CSMD1: variants seen among roughly 807,000 people sequenced by gnomAD.
The protein encoded by CSMD1 is CUB and sushi domain-containing protein 1.
CSMD1 carries 213 observed loss-of-function variants against 417.5 expected under a neutral mutation model. That is an observed-to-expected ratio of 0.51 (90% CI 0.46 to 0.57). The LOEUF (loss-of-function observed/expected upper bound fraction) is 0.57, where lower values mean the gene tolerates loss of function less well. CSMD1 is among the 20% of genes least tolerant of loss of function. CSMD1 has a pLI of 0.00. For synonymous variants in CSMD1, 2,862 were observed against 1,736.8 expected (o/e 1.65, Z -16.11); for missense variants, 6,923 against 4,529.7 (o/e 1.53, Z -15.17).
intron 50 of CSMD1, among the ~76,000 whole-genome samples, chr8:3,049,584 G>A (rs909700857): frequency 2.0e-5 from 3 of 151,788 alleles, no homozygotes; most frequent in African/African-American, 7.3e-5. Flanking sequence ...TTGGATGCAG[G>A]AAGGCGTGAA....
intron 6 of CSMD1, among the ~76,000 whole-genome samples, chr8:3,734,018 A>G (rs903314446): frequency 1.3e-5 from 2 of 151,938 alleles, no homozygotes; most frequent in African/African-American, 4.8e-5. Flanking sequence ...GAGTGTGTAT[A>G]TGGCAGTGAA....
At chr8:4,945,391 A>G (rs1479228286) in intron 1 of CSMD1, among the ~76,000 whole-genome samples, 1 of 152,168 alleles carries the variant, frequency 6.6e-6, no homozygotes, top group Non-Finnish European at 1.5e-5. Context: ...AATAGTTCAG[A>G]TAGTAAATTT....
chr8:3,861,183 G>C (rs1563153714), intron 5 of CSMD1, among the ~76,000 whole-genome samples: 1 of 152,098 alleles, frequency 6.6e-6, no homozygotes. Context: ...CTCCTCACCT[G>C]TTTCTTGGCA....
chr8:3,162,253 T>C lies in CSMD1; in HGVS notation c.5750A>G (p.Glu1917Gly). The change falls in exon 38 of 70, where the codon GAA becomes GGA. Residue 1917 changes from glutamate to glycine, a missense_variant. Physicochemically the swap from Glu to Gly is moderately conservative, Grantham distance 98 (BLOSUM62 -2). Coordinates refer to ENST00000635120, the MANE Select transcript of CSMD1 (RefSeq NM_033225.6). ...GATGCTGTTGCTGGGGAGGGCTGGTTCTTGGCATGCAGCAAGACCTACAGC... is the reference window on the plus strand; with the variant it reads ...GATGCTGTTGCTGGGGAGGGCTGGTCCTTGGCATGCAGCAAGACCTACAGC... ...YKTVGLAACQ[E>G]PALPSNSIKI... 6.2e-7 allele frequency: 1 copy of C among 1,609,500 alleles called. No homozygotes were observed. Among genetic ancestry groups the C allele is most frequent in the South Asian group, 1.1e-5 (1 of 89,688 alleles).
intron 5 of CSMD1, among the ~76,000 whole-genome samples, chr8:3,901,983 C>G (rs1807785172): frequency 6.6e-6 from 1 of 152,062 alleles, no homozygotes; most frequent in South Asian, 2.1e-4. Flanking sequence ...ATGGCTGTTT[C>G]TCTTATTCTT....
At chr8:3,063,578 C>T (rs182263427) in intron 49 of CSMD1, among the ~76,000 whole-genome samples, 2 of 152,164 alleles carry the variant, frequency 1.3e-5, no homozygotes, top group East Asian at 1.9e-4. Context: ...TGAAAGCAAT[C>T]GAAGTGTCTG....
chr8:4,938,798 T>C (rs1398094909), intron 1 of CSMD1, among the ~76,000 whole-genome samples: 2 of 152,220 alleles, frequency 1.3e-5, no homozygotes, highest in South Asian at 2.1e-4. Context: ...TGCTTTTTTA[T>C]ATTTCATATT....
chr8:4,495,139 C>G (rs758927742), intron 2 of CSMD1, among the ~76,000 whole-genome samples: 1 of 152,134 alleles, frequency 6.6e-6, no homozygotes, highest in Non-Finnish European at 1.5e-5. Flanking sequence ...TTATTATAAA[C>G]AAGTGAGGTA....
chr8:3,291,117 T>A (rs1199008713), intron 25 of CSMD1, among the ~76,000 whole-genome samples: 1 of 152,230 alleles, frequency 6.6e-6, no homozygotes, highest in Non-Finnish European at 1.5e-5. Context: ...GTTTATATGC[T>A]AGATTACATT....
chr8:4,440,496 C>T (rs938403406), intron 2 of CSMD1, among the ~76,000 whole-genome samples: 4 of 152,130 alleles, frequency 2.6e-5, no homozygotes, highest in African/African-American at 9.7e-5. Context: ...GTTCTCATTT[C>T]CCTCTATAAT....
chr8:3,881,389 A>G (rs1165147923), intron 5 of CSMD1, among the ~76,000 whole-genome samples: 1 of 151,730 alleles, frequency 6.6e-6, no homozygotes, highest in Admixed American at 6.6e-5. Flanking sequence ...TAATCCCAGC[A>G]CTTTGGGAGG....
intron 5 of CSMD1, among the ~76,000 whole-genome samples, chr8:3,982,191 A>T (rs1385401227): frequency 8.7e-6 from 1 of 114,980 alleles, no homozygotes; most frequent in East Asian, 2.8e-4. Context: ...TAATAATAAT[A>T]TTAATAAAAA....
chr8:4,003,106 G>C (rs1002672434), intron 4 of CSMD1, among the ~76,000 whole-genome samples: 1 of 152,142 alleles, frequency 6.6e-6, no homozygotes, highest in East Asian at 1.9e-4. Context: ...TAAGAAACAA[G>C]ATACAGGCTT....
Position 2,955,682 on chromosome 8 carries a change from T to C in CSMD1, c.9901A>G (p.Thr3301Ala). 1.9e-6 allele frequency: 3 copies of C among 1,613,966 alleles called. No individual in the cohort carries two copies. Among genetic ancestry groups the C allele is most frequent in the Non-Finnish European group, 2.5e-6 (3 of 1,179,842 alleles). The change falls in exon 64 of 70, where the codon ACC (threonine) becomes GCC (alanine). Residue 3301 changes from threonine (T) to alanine (A), a missense_variant. Physicochemically the swap from Thr to Ala is moderately conservative, Grantham distance 58 (BLOSUM62 0). Coordinates refer to ENST00000635120, the MANE Select transcript of CSMD1 (RefSeq NM_033225.6). ...LPTFGYTLVYTCHPGFFLAGG... is the reference protein window; with the variant it reads ...LPTFGYTLVYACHPGFFLAGG... ...GCGAGGAAAAAGCCTGGATGGCAGG[T>C]GTACACTAAGGTGTAGCCGAAAGTA...
chr8:4,179,233 T>A (rs990578973), intron 3 of CSMD1, among the ~76,000 whole-genome samples: 1 of 151,916 alleles, frequency 6.6e-6, no homozygotes, highest in East Asian at 1.9e-4. Flanking sequence ...AACAGAGATA[T>A]AAATCAATGG....
chr8:3,814,462 T>A (rs935622623), intron 5 of CSMD1, among the ~76,000 whole-genome samples: 1 of 152,180 alleles, frequency 6.6e-6, no homozygotes, highest in African/African-American at 2.4e-5. Flanking sequence ...AAATAATGAT[T>A]TGCACACTCC....
chr8:4,981,964 C>T (rs553435274), intron 1 of CSMD1, among the ~76,000 whole-genome samples: 98 of 152,268 alleles, frequency 6.4e-4, no homozygotes, highest in African/African-American at 2.3e-3. Flanking sequence ...CCGTGTGTGG[C>T]CCCCAGGAAC....
intron 3 of CSMD1, among the ~76,000 whole-genome samples, chr8:4,065,880 T>C (rs1236934263): frequency 6.6e-6 from 1 of 152,148 alleles, no homozygotes. Flanking sequence ...CTGTCTTCCA[T>C]AAGAAAGACT....
intron 5 of CSMD1, among the ~76,000 whole-genome samples, chr8:3,938,831 T>C (rs1170599060): frequency 6.6e-6 from 1 of 152,192 alleles, no homozygotes; most frequent in African/African-American, 2.4e-5. Context: ...TAACATATCT[T>C]TATTTTAGAC....
Sources: gnomAD v4.1 joint callset for allele counts (sites outside exome capture counted in the v4.1 genomes callset) on GRCh38, gnomAD v4.1.1 for gene constraint, MANE v1.5 for transcripts, NCBI Gene and HGNC (gene_info 2026-07-23, HGNC 2026-07-21) for gene names.